SEMG2: variants seen among roughly 807,000 people sequenced by gnomAD.
The protein encoded by SEMG2 is semenogelin-2.
SEMG2 carries 3 observed loss-of-function variants against 8.1 expected under a neutral mutation model. The ratio of observed to expected loss-of-function variants is 0.37; its 90% CI spans 0.17 to 0.96. The LOEUF (loss-of-function observed/expected upper bound fraction) is 0.96, where lower values mean the gene tolerates loss of function less well. Ranked by LOEUF, SEMG2 falls within the 40% of genes least tolerant of loss-of-function variation. The pLI, the probability that SEMG2 is intolerant of heterozygous loss-of-function variation, is 0.41. For synonymous variants in SEMG2, 252 were observed against 231.4 expected (o/e 1.09, Z -0.81); for missense variants, 726 against 671.2 (o/e 1.08, Z -0.90).
chr20:45,223,290 C>T lies in SEMG2; in HGVS notation c.1658C>T (p.Ser553Leu). The change falls in exon 2 of 3, where the codon TCA (serine) becomes TTA (leucine). Residue 553 changes from serine to leucine, a missense_variant. Physicochemically the swap from Ser to Leu is moderately radical, Grantham distance 145. Coordinates refer to ENST00000372769, the MANE Select transcript of SEMG2 (RefSeq NM_003008.3). Reference sequence around the variant, plus strand: ...AGATACAAACAGGAATCCAGTGAGTCACATAATATTGTAATTACTGAGCAT... The same window carrying T: ...AGATACAAACAGGAATCCAGTGAGTTACATAATATTGTAATTACTGAGCAT... Reference protein sequence around the residue: ...KGRYKQESSESHNIVITEHEV... With the variant: ...KGRYKQESSELHNIVITEHEV... The T allele has an allele frequency of 1.2e-6, 2 of 1,614,060 alleles. No individual in the cohort carries two copies. The highest frequency in any genetic ancestry group is 1.3e-5 in the African/African-American group (1 of 75,052).
intron 1 of SEMG2, 111 bp downstream of exon 1, chr20:45,221,576 G>T: frequency 7.0e-7 from 1 of 1,424,750 alleles, no homozygotes; most frequent in Non-Finnish European, 9.6e-7. Flanking sequence ...TCCTTGATGA[G>T]AATTGATTTT....
chr20:45,222,225 C>G lies in SEMG2; in HGVS notation c.593C>G (p.Thr198Ser). 1 of 1,614,140 alleles carries G rather than the reference C, an allele frequency of 6.2e-7. No homozygotes were observed. Among genetic ancestry groups the G allele is most frequent in the Non-Finnish European group, 8.5e-7 (1 of 1,180,008 alleles). The stretch of plus-strand genomic sequence containing the variant: ...TCCCAAAGCAGTTATGTTCTCCAAA[C>G]TGAAGAACTAGTAGTTAACAAACAA... ...GGSQSSYVLQTEELVVNKQQR... is the reference protein window; with the variant it reads ...GGSQSSYVLQSEELVVNKQQR... Residue 198 changes from threonine (T) to serine (S), a missense_variant, in exon 2 of 3, where the codon ACT (threonine) becomes AGT (serine). Thr to Ser is a moderately conservative substitution (Grantham distance 58, BLOSUM62 1). Transcript: ENST00000372769.
At chr20:45,223,793 A>G (rs566290638) in intron 2 of SEMG2, among the ~76,000 whole-genome samples, 80 of 152,290 alleles carry the variant, frequency 5.3e-4, no homozygotes, top group African/African-American at 1.9e-3. Flanking sequence ...TCTTTCTCAT[A>G]TAGTATGAAA....
intron 2 of SEMG2, 142 bp downstream of exon 2, chr20:45,223,567 C>T (rs1032691782): frequency 8.3e-5 from 42 of 504,426 alleles, no homozygotes; most frequent in African/African-American, 7.0e-4. Context: ...ACACCATTTC[C>T]TGGCGAGTAG....
In SEMG2 at chr20:45,222,879, G is replaced by A. The variant is rs868106422; in HGVS notation, c.1247G>A (p.Arg416Lys). The stretch of plus-strand genomic sequence containing the variant: ...TACCAATCTTCGAGTACAGAAGAAA[G>A]ACGTCTCAACAGTGGAGAAAAGGAT... ...ISYQSSSTEE[R>K]RLNSGEKDVQ... The change falls in exon 2 of 3, where the codon AGA becomes AAA. Residue 416 changes from arginine to lysine, a missense_variant. Coordinates refer to ENST00000372769, the MANE Select transcript of SEMG2 (RefSeq NM_003008.3). 2 of 1,613,692 alleles carry A rather than the reference G, an allele frequency of 1.2e-6. No homozygotes were observed. Among genetic ancestry groups the A allele is most frequent in the Non-Finnish European group, 8.5e-7 (1 of 1,179,934 alleles).
At position 45,222,560 on chromosome 20, in the gene SEMG2, T is replaced by C. The variant is rs201131146; in HGVS notation, c.928T>C (p.Ser310Pro). 1.7e-4 allele frequency: 276 copies of C among 1,613,984 alleles called. No individual in the cohort carries two copies. Among genetic ancestry groups the C allele is most frequent in the Admixed American group, 2.2e-4 (13 of 60,022 alleles). ...HGEKSVQKDV[S>P]KGSISIQTEE... ...AGAAAAGAGTGTACAGAAAGATGTA[T>C]CCAAAGGCAGCATTTCTATCCAAAC... The change falls in exon 2 of 3, where the codon TCC becomes CCC. Residue 310 changes from serine (S) to proline (P), a missense_variant. Ser to Pro is a moderately conservative substitution (Grantham distance 74). Coordinates refer to ENST00000372769, the MANE Select transcript of SEMG2 (RefSeq NM_003008.3).
Position 45,223,401 on chromosome 20 carries a change from C to A in SEMG2, c.*20C>A. On this transcript the variant is annotated 3_prime_UTR_variant, in exon 2 of 3. Transcript: ENST00000372769. Reference sequence around the variant, plus strand: ...ACATAGCCCTGTTGCTTAGCAACCACTTGAAAAGCTGGACCAATAGCAAGG... The same window carrying A: ...ACATAGCCCTGTTGCTTAGCAACCAATTGAAAAGCTGGACCAATAGCAAGG... 6.5e-7 allele frequency: 1 copy of A among 1,545,928 alleles called. No individual in the cohort carries two copies. Among genetic ancestry groups the A allele is most frequent in the Non-Finnish European group, 8.9e-7 (1 of 1,129,676 alleles).
Position 45,221,604 on chromosome 20 carries a change from A to G in SEMG2, c.77-105A>G, listed in dbSNP as rs1984013804. 5.8e-6 allele frequency: 8 copies of G among 1,390,982 alleles called. No individual in the cohort carries two copies. In the South Asian group the frequency reaches 1.1e-4, roughly 19 times the overall value. 86.2% of individuals were successfully genotyped at this position (1,390,982 alleles called of 1,614,324 possible). On this transcript the variant is annotated intron_variant, in intron 1 of 2. Coordinates refer to ENST00000372769, the MANE Select transcript of SEMG2 (RefSeq NM_003008.3). The stretch of plus-strand genomic sequence containing the variant: ...TTGATTTTTCTCCACCCAACGCTGT[A>G]GGCTTTTGGAAATATCAGAAATTTG...
rs754187893 is a variant in SEMG2 at position 45,222,593 on chromosome 20, A to C, written c.961A>C (p.Lys321Gln). The C allele has an allele frequency of 7.4e-6, 12 of 1,614,114 alleles. No individual in the cohort carries two copies. Among genetic ancestry groups the C allele is most frequent in the African/African-American group, 2.7e-5 (2 of 75,024 alleles). ...CAGCATTTCTATCCAAACTGAAGAGAAAATACATGGCAAGTCTCAAAACCA... is the reference window on the plus strand; with the variant it reads ...CAGCATTTCTATCCAAACTGAAGAGCAAATACATGGCAAGTCTCAAAACCA... ...KGSISIQTEE[K>Q]IHGKSQNQVT... The change falls in exon 2 of 3, where the codon AAA (lysine) becomes CAA (glutamine). Residue 321 changes from lysine to glutamine, a missense_variant. Transcript: ENST00000372769.
In SEMG2 at chr20:45,221,449, T is replaced by C; in HGVS notation, c.60T>C (p.Ala20=). The C allele has an allele frequency of 1.2e-6, 2 of 1,614,144 alleles. No homozygotes were observed. The highest frequency in any genetic ancestry group is 1.7e-6 in the Non-Finnish European group (2 of 1,180,022). The stretch of plus-strand genomic sequence containing the variant: ...TCCTTATCTTGGAGAAGCAAGCAGC[T>C]GTGATGGGACAAAAAGGTGAGTGGA... ...SLLLILEKQA[A]VMGQKGGSKG... is the part of the protein sequence containing the mutation. Residue 20 remains alanine (A), a synonymous_variant, in exon 1 of 3, where the codon GCT becomes GCC. Transcript: ENST00000372769.
In SEMG2 at chr20:45,222,775, A is replaced by G. The variant is rs1271876895; in HGVS notation, c.1143A>G (p.Gln381=). The change falls in exon 2 of 3, where the codon CAA becomes CAG. Residue 381 remains glutamine (Q), a synonymous_variant. Transcript: ENST00000372769. ...KGSISIQTEE[Q]IHGKSQNQVR... is the part of the protein sequence containing the mutation. ...GTATTTCGATCCAAACTGAAGAGCA[A>G]ATACATGGCAAGTCTCAAAACCAGG... 3 of 1,614,170 alleles carry G rather than the reference A, an allele frequency of 1.9e-6. No individual in the cohort carries two copies. The highest frequency in any genetic ancestry group is 3.3e-5 in the Admixed American group (2 of 60,024).
intron 2 of SEMG2, among the ~76,000 whole-genome samples, chr20:45,224,081 C>G (rs1374050289): frequency 6.6e-6 from 1 of 152,186 alleles, no homozygotes; most frequent in Non-Finnish European, 1.5e-5. Flanking sequence ...GGAAATGGTT[C>G]TTCCATGCCC....
rs779431992 is a variant in SEMG2, at chr20:45,223,123, A to C, written c.1491A>C (p.Gln497His). ...KDVSQSSISFQIEKLVEGKSQ... is the reference protein window; with the variant it reads ...KDVSQSSISFHIEKLVEGKSQ... ...TATCCCAAAGCAGTATTTCTTTCCA[A>C]ATTGAAAAGCTAGTAGAAGGCAAGT... The change falls in exon 2 of 3, where the codon CAA becomes CAC. Residue 497 changes from glutamine to histidine, a missense_variant. Transcript: ENST00000372769. 4.3e-6 allele frequency: 7 copies of C among 1,613,956 alleles called. No homozygotes were observed. Among genetic ancestry groups the C allele is most frequent in the African/African-American group, 2.7e-5 (2 of 74,914 alleles).
chr20:45,221,469 A>C lies in SEMG2; in HGVS notation c.76+4A>C, dbSNP rs1366380862. ...GCAGCTGTGATGGGACAAAAAGGTG[A>C]GTGGAGAGGGTAAGCCTTGGGGAAA... On this transcript the variant is annotated splice_donor_region_variant and intron_variant, in intron 1 of 2. Coordinates refer to ENST00000372769, the MANE Select transcript of SEMG2 (RefSeq NM_003008.3). 1 of 1,614,126 alleles carries C rather than the reference A, an allele frequency of 6.2e-7. No individual in the cohort carries two copies. The highest frequency in any genetic ancestry group is 1.3e-5 in the African/African-American group (1 of 75,046).
In SEMG2 at chr20:45,221,773, C is replaced by G; in HGVS notation, c.141C>G (p.His47Gln). 2 of 1,613,990 alleles carry G rather than the reference C, an allele frequency of 1.2e-6. No individual in the cohort carries two copies. The highest frequency in any genetic ancestry group is 1.7e-6 in the Non-Finnish European group (2 of 1,179,958). Reference sequence around the variant, plus strand: ...TTCCACATGGACAAAAGGGCCAGCACTATTTTGGACAAAAAGACCAACAAC... The same window carrying G: ...TTCCACATGGACAAAAGGGCCAGCAGTATTTTGGACAAAAAGACCAACAAC... ...SQFPHGQKGQ[H>Q]YFGQKDQQHT... Residue 47 changes from histidine (H) to glutamine (Q), a missense_variant, in exon 2 of 3, where the codon CAC (histidine) becomes CAG (glutamine). By Grantham distance (24) the His-to-Gln change is conservative (BLOSUM62 0). Coordinates refer to ENST00000372769, the MANE Select transcript of SEMG2 (RefSeq NM_003008.3).
chr20:45,222,067 T>A lies in SEMG2; in HGVS notation c.435T>A (p.Asp145Glu). ...ATGGGACACAAAATCCTTCTCAAGA[T>A]CAGGGGAATAGCCCATCTGGAAAGG... is the stretch of plus-strand genomic sequence containing the variant. ...AHHGTQNPSQ[D>E]QGNSPSGKGL... Residue 145 changes from aspartate (D) to glutamate (E), a missense_variant, in exon 2 of 3, where the codon GAT becomes GAA. Transcript: ENST00000372769. 1 of 1,613,960 alleles carries A rather than the reference T, an allele frequency of 6.2e-7. No homozygotes were observed. The highest frequency in any genetic ancestry group is 8.5e-7 in the Non-Finnish European group (1 of 1,179,984).
rs753995233 is a variant in SEMG2 at position 45,223,308 on chromosome 20, C to G, written c.1676C>G (p.Thr559Ser). 6.2e-7 allele frequency: 1 copy of G among 1,614,092 alleles called. No homozygotes were observed. The highest frequency in any genetic ancestry group is 1.3e-5 in the African/African-American group (1 of 75,044). Residue 559 changes from threonine (T) to serine (S), a missense_variant, in exon 2 of 3, where the codon ACT becomes AGT. Thr to Ser is a moderately conservative substitution (Grantham distance 58, BLOSUM62 1). Transcript: ENST00000372769. ...ESSESHNIVI[T>S]EHEVAQDDHL... ...AGTGAGTCACATAATATTGTAATTA[C>G]TGAGCATGAGGTTGCCCAAGATGAT...
In SEMG2 at chr20:45,224,432, C is replaced by T. The variant is rs1406997668; in HGVS notation, c.*186C>T. ...CTAAACCCGGAGCCCCTTCAAACTTCCAATAAAGGGATCATTTTCTGCTTT... is the reference window on the plus strand; with the variant it reads ...CTAAACCCGGAGCCCCTTCAAACTTTCAATAAAGGGATCATTTTCTGCTTT... On this transcript the variant is annotated 3_prime_UTR_variant, in exon 3 of 3. Transcript: ENST00000372769. The T allele has an allele frequency of 6.6e-6, 1 of 152,170 alleles. No individual in the cohort carries two copies. The allele number at this position is 152,170 out of a possible 1,614,324, so 9.4% of individuals were successfully genotyped here. A position where few individuals can be genotyped will look rare whatever the true frequency, so the allele number is the denominator to read the frequency against.
At chr20:45,223,821 T>G (rs1424904896) in intron 2 of SEMG2, among the ~76,000 whole-genome samples, 2 of 152,180 alleles carry the variant, frequency 1.3e-5, no homozygotes, top group Admixed American at 1.3e-4. Flanking sequence ...GCAGTTAATA[T>G]TTTCTTTCTG....
Sources: allele counts gnomAD v4.1 joint callset (sites outside exome capture counted in the v4.1 genomes callset), GRCh38; gene constraint gnomAD v4.1.1; transcripts MANE v1.5; gene names NCBI Gene and HGNC (gene_info 2026-07-23, HGNC 2026-07-21).